The following USP7 variants were observed in gnomAD, a reference collection of about 807,000 sequenced individuals.
USP7 encodes the protein ubiquitin specific peptidase 7.
Under a neutral mutation model 162.9 loss-of-function variants are expected in USP7, and 9 were observed. The ratio of observed to expected loss-of-function variants is 0.06; its 90% CI spans 0.03 to 0.10. USP7 has a LOEUF of 0.10. Among genes scored for constraint, USP7 ranks in the 10% least tolerant of loss-of-function variants. The probability of loss-of-function intolerance (pLI) is 1.00; values close to 1 mark genes in which losing one functional copy is unlikely to be tolerated. For missense variants in USP7, 715 were observed against 1,373.7 expected (o/e 0.52, Z 7.58); for synonymous variants, 562 against 475.9 (o/e 1.18, Z -2.35).
In USP7 at chr16:8,902,362, C is replaced by T. The variant is rs770417325; in HGVS notation, c.1941+19G>A. 5.0e-6 allele frequency: 8 copies of T among 1,611,740 alleles called. No homozygotes were observed. The highest frequency in any genetic ancestry group is 1.6e-4 in the Middle Eastern group (1 of 6,082). Reference sequence around the variant, plus strand: ...CTTCTGCACGGTTCCAAACCAGATACGCTATTAACAATATTTACTGTTTTA... The same window carrying T: ...CTTCTGCACGGTTCCAAACCAGATATGCTATTAACAATATTTACTGTTTTA... On this transcript the variant is annotated intron_variant, in intron 17 of 30. Transcript: ENST00000344836.
At position 8,902,485 on chromosome 16, in the gene USP7, GA is replaced by G; in HGVS notation, c.1840-4del. ...CGAATTTGATCTTGTGGAAATCCCTGAAAAAAATATTAAGAGTAGATTAAAA... is the reference window on the plus strand; with the variant it reads ...CGAATTTGATCTTGTGGAAATCCCTGAAAAAATATTAAGAGTAGATTAAAA... On this transcript the variant is annotated splice_region_variant and splice_polypyrimidine_tract_variant and intron_variant, in intron 16 of 30. Coordinates refer to ENST00000344836, the MANE Select transcript of USP7 (RefSeq NM_003470.3). 1 of 1,610,540 alleles carries G rather than the reference GA, an allele frequency of 6.2e-7. No homozygotes were observed. Among genetic ancestry groups the G allele is most frequent in the South Asian group, 1.1e-5 (1 of 90,414 alleles).
At chr16:8,895,262 A>T (rs575613920) in intron 27 of USP7, 112 bp from the exon 28 acceptor site, 29 of 1,511,904 alleles carry the variant, frequency 1.9e-5, no homozygotes, top group African/African-American at 1.9e-4. Flanking sequence ...TATTTTTGCT[A>T]AAAAAACGCC....
At chr16:8,941,936 GCA>G (rs758973927) in intron 1 of USP7, among the ~76,000 whole-genome samples, 21 of 152,208 alleles carry the variant, frequency 1.4e-4, no homozygotes, top group Non-Finnish European at 1.2e-4. Context: ...GAGGGCAAAC[GCA>G]CACAGTGACA....
chr16:8,902,006 C>A (rs773544233), intron 18 of USP7, 76 bp downstream of exon 18: 16 of 1,237,318 alleles, frequency 1.3e-5, no homozygotes, highest in Non-Finnish European at 1.9e-5. Context: ...AGGCTTAACC[C>A]TGTGTGTTTA....
At chr16:8,922,127 C>CTTCT (rs1479081902) in intron 3 of USP7, among the ~76,000 whole-genome samples, 2 of 152,198 alleles carry the variant, frequency 1.3e-5, no homozygotes, top group African/African-American at 4.8e-5. Flanking sequence ...ATAATGTGAA[C>CTTCT]AGAAGAGGAC....
chr16:8,947,895 TG>T (rs1899361022), intron 1 of USP7, among the ~76,000 whole-genome samples: 1 of 152,074 alleles, frequency 6.6e-6, no homozygotes, highest in Non-Finnish European at 1.5e-5. Context: ...ATTCGGAAGG[TG>T]GGAGTAAAGC....
chr16:8,951,232 A>G lies in USP7; in HGVS notation c.79+11975T>C, dbSNP rs188471503. ...ATATTGTTTCCAAAGTTGCCTATGA[A>G]GATGTACATCATATATATATTTAAT... On this transcript the variant is annotated intron_variant, in intron 1 of 30. Coordinates refer to ENST00000344836, the MANE Select transcript of USP7 (RefSeq NM_003470.3). 4.1e-3 allele frequency among the ~76,000 whole-genome samples: 4 copies of G among 964 alleles called. No homozygotes were observed. The East Asian group carries it at 0.083, about 20-fold the overall frequency. The allele number at this position is 964 out of a possible 152,430, so 0.6% of individuals were successfully genotyped here.
intron 2 of USP7, among the ~76,000 whole-genome samples, chr16:8,925,659 GCCC>G (rs776924776): frequency 7.2e-5 from 11 of 152,264 alleles, no homozygotes; most frequent in Non-Finnish European, 8.8e-5. Flanking sequence ...CCGTCTCTGT[GCCC>G]CCGAGTGTGG....
At chr16:8,918,912 A>G (rs1897524232) in intron 6 of USP7, 119 bp downstream of exon 6, 1 of 948,826 alleles carries the variant, frequency 1.1e-6, no homozygotes, top group Non-Finnish European at 1.7e-6. Flanking sequence ...ACTAGCAGCC[A>G]TCTGAGGAGA....
intron 30 of USP7, 98 bp downstream of exon 30, chr16:8,894,452 A>T (rs2061650625): frequency 1.7e-6 from 2 of 1,205,728 alleles, no homozygotes; most frequent in African/African-American, 1.5e-5. Flanking sequence ...GAGAGAGAGG[A>T]GCTGGCACTT....
intron 10 of USP7, among the ~76,000 whole-genome samples, chr16:8,914,872 T>C (rs1357763320): frequency 1.3e-5 from 2 of 152,188 alleles, no homozygotes; most frequent in African/African-American, 4.8e-5. Flanking sequence ...TGAGCTATGG[T>C]TGCACCCCAG....
intron 23 of USP7, among the ~76,000 whole-genome samples, 157 bp downstream of exon 23, chr16:8,898,964 T>A (rs1002147478): frequency 6.6e-6 from 1 of 152,238 alleles, no homozygotes; most frequent in African/African-American, 2.4e-5. Flanking sequence ...CAGAGTAATG[T>A]GGTCAAGATG....
At chr16:8,929,985 G>C (rs779042477) in intron 2 of USP7, among the ~76,000 whole-genome samples, 1 of 152,202 alleles carries the variant, frequency 6.6e-6, no homozygotes, top group Non-Finnish European at 1.5e-5. Flanking sequence ...AGGAGAGTAA[G>C]ACATGCTTGT....
In USP7 at chr16:8,899,965, A is replaced by G. The variant is rs188460891; in HGVS notation, c.2310-208T>C. ...ATGGGGATGCACTGAGCCAGGCGCA[A>G]TGTAGTGGCTTTACATTCTCATCCC... is the stretch of plus-strand genomic sequence containing the variant. On this transcript the variant is annotated intron_variant, in intron 21 of 30. Transcript: ENST00000344836. 4.4e-4 allele frequency: 275 copies of G among 628,868 alleles called. No homozygotes were observed. In the African/African-American group the frequency reaches 4.6e-3, roughly 10 times the overall value. 39.0% of individuals were successfully genotyped at this position (628,868 alleles called of 1,614,324 possible).
At chr16:8,944,974 G>A (rs543810077) in intron 1 of USP7, among the ~76,000 whole-genome samples, 45 of 152,266 alleles carry the variant, frequency 3.0e-4, no homozygotes, top group South Asian at 1.7e-3. Flanking sequence ...TGGGTGGACC[G>A]GGCGCAGTGG....
At chr16:8,933,629 T>TC (rs1433261445) in intron 1 of USP7, among the ~76,000 whole-genome samples, 1 of 152,202 alleles carries the variant, frequency 6.6e-6, no homozygotes, top group East Asian at 1.9e-4. Flanking sequence ...CATTTTTTTT[T>TC]CCTCAAAGAG....
Position 8,930,313 on chromosome 16 carries a change from G to T in USP7, c.164C>A (p.Ala55Glu). 1 of 1,612,678 alleles carries T rather than the reference G, an allele frequency of 6.2e-7. No homozygotes were observed. The highest frequency in any genetic ancestry group is 1.1e-5 in the South Asian group (1 of 90,876). Residue 55 changes from alanine (A) to glutamate (E), a missense_variant, in exon 2 of 31, where the codon GCG becomes GAG. Around this residue, in one of 11 missense-constraint regions of USP7, gnomAD observed 137 missense variants for 123.5 expected, o/e 1.11. Coordinates refer to ENST00000344836, the MANE Select transcript of USP7 (RefSeq NM_003470.3). Reference sequence around the variant, plus strand: ...CTTACCATCCTCCATGTCCTCCTCCGCGGTGTTGTGTCCATCACTCAGGGC... The same window carrying T: ...CTTACCATCCTCCATGTCCTCCTCCTCGGTGTTGTGTCCATCACTCAGGGC... ...NVALSDGHNTAEEDMEDDTSW... is the reference protein window; with the variant it reads ...NVALSDGHNTEEEDMEDDTSW...
rs1175764488 is a variant in USP7 at position 8,963,221 on chromosome 16, T to A, written c.65A>T (p.Asp22Val). The A allele has an allele frequency of 7.1e-7, 1 of 1,409,622 alleles. No homozygotes were observed. Among genetic ancestry groups the A allele is most frequent in the South Asian group, 1.3e-5 (1 of 76,120 alleles). 87.3% of individuals were successfully genotyped at this position (1,409,622 alleles called of 1,614,324 possible). The change falls in exon 1 of 31, where the codon GAC (aspartate) becomes GTC (valine). Residue 22 changes from aspartate to valine, a missense_variant. Physicochemically the swap from Asp to Val is radical, Grantham distance 152. This residue lies in a region of USP7 where 137 missense variants were observed against 123.5 expected (regional missense o/e 1.11). Transcript: ENST00000344836. ...TCGGGCCTCACCTTCCATCTCCATG[T>A]CCTCGGGCTCGCTCAACTGCTGCTC... ...AGEQQLSEPE[D>V]MEMEAGDTDD...
intron 1 of USP7, chr16:8,936,455 AAT>A: frequency 1.0e-6 from 1 of 974,410 alleles, no homozygotes; most frequent in East Asian, 3.3e-5. Context: ...TCTTTATATA[AAT>A]TTTACTGATA....
Sources: allele counts gnomAD v4.1 joint callset (sites outside exome capture counted in the v4.1 genomes callset), GRCh38; gene constraint gnomAD v4.1.1; regional missense constraint gnomAD v4.1.1; transcripts MANE v1.5; gene names NCBI Gene and HGNC (gene_info 2026-07-23, HGNC 2026-07-21).